The following DPP10 variants were observed in gnomAD, a reference collection of about 807,000 sequenced individuals.
The protein encoded by DPP10 is inactive dipeptidyl peptidase 10.
Under a neutral mutation model 120.9 loss-of-function variants are expected in DPP10, and 33 were observed. The ratio of observed to expected loss-of-function variants is 0.27; its 90% CI spans 0.21 to 0.37. The LOEUF is 0.37. Ranked by LOEUF, DPP10 falls within the 10% of genes least tolerant of loss-of-function variation. The pLI is 1.00. For synonymous variants in DPP10, 337 were observed against 326.1 expected (o/e 1.03, Z -0.36); for missense variants, 816 against 942.8 (o/e 0.87, Z 1.76).
At chr2:115,811,845 T>C (rs1686683320) in intron 19 of DPP10, among the ~76,000 whole-genome samples, 1 of 152,192 alleles carries the variant, frequency 6.6e-6, no homozygotes, top group Non-Finnish European at 1.5e-5. Flanking sequence ...GCTTTATCCA[T>C]AGATATTGTG....
intron 5 of DPP10, among the ~76,000 whole-genome samples, chr2:115,657,156 C>G (rs1292014610): frequency 1.3e-5 from 2 of 151,510 alleles, no homozygotes; most frequent in African/African-American, 4.8e-5. Flanking sequence ...ACATAAACCT[C>G]TTTTATTTGC....
At chr2:115,244,796 T>A (rs557841970) in intron 1 of DPP10, among the ~76,000 whole-genome samples, 10 of 151,414 alleles carry the variant, frequency 6.6e-5, no homozygotes, top group African/African-American at 2.4e-4. Flanking sequence ...TATATGTGTG[T>A]GTGTGTGTAT....
intron 3 of DPP10, among the ~76,000 whole-genome samples, chr2:115,412,272 A>T (rs2069010567): frequency 6.6e-6 from 1 of 152,198 alleles, no homozygotes; most frequent in Non-Finnish European, 1.5e-5. Flanking sequence ...TGCTACCAGC[A>T]TTGATCAAAT....
chr2:115,226,899 A>G (rs900399662), intron 1 of DPP10, among the ~76,000 whole-genome samples: 6 of 152,168 alleles, frequency 3.9e-5, no homozygotes, highest in Non-Finnish European at 7.4e-5. Context: ...CATGAGGCAT[A>G]TGGTTGCATT....
At position 115,760,881 on chromosome 2, in the gene DPP10, G is replaced by A. The variant is rs140439601; in HGVS notation, c.1075-1691G>A. The stretch of plus-strand genomic sequence containing the variant: ...GGAGGCCAGTGTGGGCAGATCACCT[G>A]AGGCCAGGAGTTTGAGACCAGCCTG... On this transcript the variant is annotated intron_variant, in intron 11 of 25. Coordinates refer to ENST00000410059, the MANE Select transcript of DPP10 (RefSeq NM_020868.6). Among the ~76,000 whole-genome samples the A allele has an allele frequency of 5.4e-3, 819 of 152,200 alleles. 15 individuals are homozygous for A. Among genetic ancestry groups the A allele is most frequent in the African/African-American group, 0.019 (783 of 41,522 alleles).
chr2:115,180,945 A>G (rs2054033970), intron 1 of DPP10, among the ~76,000 whole-genome samples: 1 of 152,190 alleles, frequency 6.6e-6, no homozygotes, highest in African/African-American at 2.4e-5. Flanking sequence ...TTCTTAAGCA[A>G]AAAAGCAACA....
chr2:114,737,896 A>G (rs1228826930), intron 1 of DPP10, among the ~76,000 whole-genome samples: 1 of 152,206 alleles, frequency 6.6e-6, no homozygotes, highest in African/African-American at 2.4e-5. Context: ...CAATTCTTAC[A>G]TTGCTATGAA....
rs535123651 is a variant in DPP10 at position 115,043,946 on chromosome 2, A to G, written c.61-265293A>G. On this transcript the variant is annotated intron_variant, in intron 1 of 25. Coordinates refer to ENST00000410059, the MANE Select transcript of DPP10 (RefSeq NM_020868.6). ...GTAGGTATATATATTTATGGGGTAC[A>G]TGAGATATTTTGATACAGGCATGCA... 9.8e-5 allele frequency among the ~76,000 whole-genome samples: 15 copies of G among 152,312 alleles called. No homozygotes were observed. In the East Asian group the frequency reaches 2.5e-3, roughly 25 times the overall value.
chr2:115,489,779 G>A (rs111656504), intron 3 of DPP10, among the ~76,000 whole-genome samples: 2 of 152,092 alleles, frequency 1.3e-5, no homozygotes, highest in South Asian at 2.1e-4. Flanking sequence ...ATTTGGATCT[G>A]CAGACAATCT....
intron 13 of DPP10, among the ~76,000 whole-genome samples, chr2:115,776,822 C>G (rs1682157643): frequency 6.6e-6 from 1 of 150,898 alleles, no homozygotes; most frequent in African/African-American, 2.4e-5. Context: ...AAAATGAATA[C>G]AAACCTGAGT....
At chr2:114,573,813 C>T (rs2105032872) in intron 1 of DPP10, among the ~76,000 whole-genome samples, 1 of 152,248 alleles carries the variant, frequency 6.6e-6, no homozygotes, top group African/African-American at 2.4e-5. Context: ...GGGTGAGAGG[C>T]AACTAATATT....
At chr2:114,876,470 G>A (rs1358086493) in intron 1 of DPP10, among the ~76,000 whole-genome samples, 1 of 152,022 alleles carries the variant, frequency 6.6e-6, no homozygotes, top group East Asian at 1.9e-4. Flanking sequence ...TCTGAACTCT[G>A]GCCCTGCCTT....
At chr2:115,091,017 C>T (rs1183424357) in intron 1 of DPP10, among the ~76,000 whole-genome samples, 1 of 152,142 alleles carries the variant, frequency 6.6e-6, no homozygotes, top group Non-Finnish European at 1.5e-5. Context: ...CAGTGCTCAT[C>T]CAAGATGGCA....
rs532118421 is a variant in DPP10 at position 115,617,270 on chromosome 2, T to TTATATA, written c.442-72416_442-72415insATATAT. On this transcript the variant is annotated intron_variant, in intron 5 of 25. Coordinates refer to ENST00000410059, the MANE Select transcript of DPP10 (RefSeq NM_020868.6). ...ATGTATGTATGGGTATATATATATT[T>TTATATA]TTTATATATATATATATATACACAC... Among the ~76,000 whole-genome samples the TTATATA allele has an allele frequency of 0.016, 23 of 1,440 alleles. No homozygotes were observed. The South Asian group carries it at 0.34, about 22-fold the overall frequency. 0.9% of individuals were successfully genotyped at this position (1,440 alleles called of 152,430 possible).
intron 3 of DPP10, among the ~76,000 whole-genome samples, chr2:115,395,664 G>T (rs553882383): frequency 6.6e-6 from 1 of 152,170 alleles, no homozygotes; most frequent in East Asian, 1.9e-4. Flanking sequence ...TTACAACTCA[G>T]CTCACAATAT....
chr2:115,724,687 G>A (rs2092724671), intron 7 of DPP10, among the ~76,000 whole-genome samples: 1 of 152,154 alleles, frequency 6.6e-6, no homozygotes, highest in Admixed American at 6.5e-5. Flanking sequence ...TGTTGTGTTT[G>A]TTCTTGCATT....
At chr2:115,534,273 A>G (rs1026589723) in intron 5 of DPP10, among the ~76,000 whole-genome samples, 1 of 151,930 alleles carries the variant, frequency 6.6e-6, no homozygotes, top group Non-Finnish European at 1.5e-5. Context: ...CCGGCACCCC[A>G]CAACAGTCCC....
chr2:115,628,991 G>C (rs112696076), intron 5 of DPP10, among the ~76,000 whole-genome samples: 22,243 of 151,884 alleles, frequency 0.15, 2,619 homozygotes, highest in African/African-American at 0.33. Flanking sequence ...ACAGGCCCCA[G>C]TGTGTGATGT....
At chr2:114,635,175 T>C (rs1385424656) in intron 1 of DPP10, among the ~76,000 whole-genome samples, 1 of 151,892 alleles carries the variant, frequency 6.6e-6, no homozygotes, top group Non-Finnish European at 1.5e-5. Flanking sequence ...GCTCCTCATG[T>C]TTTAAAGAAT....
Sources: gnomAD v4.1 joint callset for allele counts (sites outside exome capture counted in the v4.1 genomes callset) on GRCh38, gnomAD v4.1.1 for gene constraint, MANE v1.5 for transcripts, NCBI Gene and HGNC (gene_info 2026-07-23, HGNC 2026-07-21) for gene names.